The following UBE2D1 variants were observed in gnomAD, a reference collection of about 807,000 sequenced individuals.
UBE2D1 encodes ubiquitin conjugating enzyme E2 D1.
Under a neutral mutation model 24.6 loss-of-function variants are expected in UBE2D1, and 9 were observed. That is an observed-to-expected ratio of 0.37 (90% confidence interval 0.22 to 0.64). The LOEUF (loss-of-function observed/expected upper bound fraction) is 0.64, where lower values mean the gene tolerates loss of function less well. UBE2D1 is among the 30% of genes least tolerant of loss of function. The pLI, the probability that UBE2D1 is intolerant of heterozygous loss-of-function variation, is 0.64. For missense variants in UBE2D1, 87 were observed against 177.1 expected (o/e 0.49, Z 2.89); for synonymous variants, 57 against 57.6 (o/e 0.99, Z 0.04).
At chr10:58,359,172 T>C (rs1011436856) in intron 1 of UBE2D1, among the ~76,000 whole-genome samples, 1 of 152,182 alleles carries the variant, frequency 6.6e-6, no homozygotes, top group African/African-American at 2.4e-5. Context: ...ACCCTCCTTC[T>C]TGTTTGTCTC....
chr10:58,366,726 G>T (rs1269206204), intron 5 of UBE2D1, among the ~76,000 whole-genome samples: 2 of 150,998 alleles, frequency 1.3e-5, no homozygotes, highest in Non-Finnish European at 1.5e-5. Flanking sequence ...TTATAGGTGT[G>T]AGCAACCTTG....
intron 5 of UBE2D1, among the ~76,000 whole-genome samples, chr10:58,367,562 A>T (rs534118475): frequency 2.0e-5 from 3 of 152,180 alleles, no homozygotes; most frequent in Admixed American, 2.0e-4. Context: ...TGAGCACAGT[A>T]TCCAAAATGG....
intron 1 of UBE2D1, among the ~76,000 whole-genome samples, chr10:58,340,988 C>A (rs1029443957): frequency 6.6e-6 from 1 of 152,192 alleles, no homozygotes; most frequent in Non-Finnish European, 1.5e-5. Flanking sequence ...CATATTTGAT[C>A]ATTTTCACTG....
chr10:58,362,187 G>A (rs1160585807), intron 3 of UBE2D1, among the ~76,000 whole-genome samples: 2 of 152,148 alleles, frequency 1.3e-5, no homozygotes, highest in Admixed American at 1.3e-4. Flanking sequence ...AAATCTGATT[G>A]CATAAGAATG....
At position 58,364,899 on chromosome 10, in the gene UBE2D1, A is replaced by C. The variant is rs751495565; in HGVS notation, c.304+23A>C. 3 of 1,579,460 alleles carry C rather than the reference A, an allele frequency of 1.9e-6. No individual in the cohort carries two copies. In the South Asian group the frequency reaches 3.3e-5, roughly 18 times the overall value. Reference sequence around the variant, plus strand: ...AAGGTAATTTCATTGATCAGGTTTGAAACAGTTGATAACAGTGAGACAGGA... The same window carrying C: ...AAGGTAATTTCATTGATCAGGTTTGCAACAGTTGATAACAGTGAGACAGGA... On this transcript the variant is annotated intron_variant, in intron 5 of 6. Transcript: ENST00000373910.
chr10:58,335,237 G>T lies in UBE2D1; in HGVS notation c.24+12G>T. On this transcript the variant is annotated intron_variant, in intron 1 of 6. Transcript: ENST00000373910. ...AGAGGATTCAGAAAGTGAGTGCCGG[G>T]GCCGGGCCTGGGGCTGCGGGGCAGC... is the stretch of plus-strand genomic sequence containing the variant. The T allele has an allele frequency of 6.5e-7, 1 of 1,534,686 alleles. No individual in the cohort carries two copies. The highest frequency in any genetic ancestry group is 8.8e-7 in the Non-Finnish European group (1 of 1,142,826).
chr10:58,347,869 G>A (rs1043090939), intron 1 of UBE2D1, among the ~76,000 whole-genome samples: 1 of 151,922 alleles, frequency 6.6e-6, no homozygotes, highest in African/African-American at 2.4e-5. Flanking sequence ...GGCTGGTCTC[G>A]AACTCCTGAC....
At chr10:58,350,930 C>A (rs1052493640) in intron 1 of UBE2D1, among the ~76,000 whole-genome samples, 2 of 152,126 alleles carry the variant, frequency 1.3e-5, no homozygotes, top group Non-Finnish European at 2.9e-5. Context: ...CAGCATGTTA[C>A]CGTGCTGATA....
intron 1 of UBE2D1, among the ~76,000 whole-genome samples, chr10:58,353,980 T>C (rs1382891476): frequency 6.6e-6 from 1 of 152,216 alleles, no homozygotes; most frequent in Non-Finnish European, 1.5e-5. Context: ...TATGGCGGGA[T>C]CCATAAATAA....
At position 58,369,678 on chromosome 10, in the gene UBE2D1, G is replaced by A. The variant is rs1170809272; in HGVS notation, c.*913G>A. ...TTTGCATGAAAATTACATCCAAATT[G>A]TGAAAATCAGATCTATTTTGTTTGC... On this transcript the variant is annotated 3_prime_UTR_variant, in exon 7 of 7. Transcript: ENST00000373910. 2.6e-5 allele frequency: 4 copies of A among 152,064 alleles called. No individual in the cohort carries two copies. Among genetic ancestry groups the A allele is most frequent in the African/African-American group, 7.2e-5 (3 of 41,394 alleles). 9.4% of individuals were successfully genotyped at this position (152,064 alleles called of 1,614,324 possible).
At chr10:58,355,866 C>T (rs1015845801) in intron 1 of UBE2D1, among the ~76,000 whole-genome samples, 1 of 152,072 alleles carries the variant, frequency 6.6e-6, no homozygotes, top group African/African-American at 2.4e-5. Flanking sequence ...TTTTTTTTCA[C>T]TAATGCCTTC....
At chr10:58,365,185 G>C (rs947949571) in intron 5 of UBE2D1, among the ~76,000 whole-genome samples, 2 of 152,126 alleles carry the variant, frequency 1.3e-5, no homozygotes, top group African/African-American at 4.8e-5. Flanking sequence ...AAAAAAGAGA[G>C]AGTGCCCGGG....
intron 6 of UBE2D1, 86 bp downstream of exon 6, chr10:58,368,102 C>G (rs1840276556): frequency 3.2e-6 from 3 of 950,248 alleles, no homozygotes; most frequent in Non-Finnish European, 4.9e-6. Context: ...TGTTTTAAGT[C>G]AATTTGATTA....
intron 1 of UBE2D1, among the ~76,000 whole-genome samples, chr10:58,348,641 G>C (rs1378754064): frequency 2.0e-5 from 3 of 152,166 alleles, no homozygotes; most frequent in Admixed American, 1.3e-4. Context: ...TGGAGATTTA[G>C]ATCTTCTGAC....
intron 1 of UBE2D1, among the ~76,000 whole-genome samples, chr10:58,336,208 G>A (rs1476143181): frequency 6.6e-6 from 1 of 152,098 alleles, no homozygotes; most frequent in Admixed American, 6.6e-5. Context: ...ACTGACCCAA[G>A]TTTTAGGTTT....
intron 1 of UBE2D1, among the ~76,000 whole-genome samples, chr10:58,356,980 TC>T (rs1202134155): frequency 6.6e-6 from 1 of 152,094 alleles, no homozygotes; most frequent in Non-Finnish European, 1.5e-5. Flanking sequence ...GCTTATGAAA[TC>T]GTTATTGGGA....
intron 1 of UBE2D1, among the ~76,000 whole-genome samples, chr10:58,359,677 C>T (rs1488244681): frequency 6.6e-6 from 1 of 152,128 alleles, no homozygotes; most frequent in African/African-American, 2.4e-5. Context: ...CCAGTTCCGC[C>T]CTATAGTAGT....
chr10:58,335,255 G>A (rs746016836), intron 1 of UBE2D1, 30 bp downstream of exon 1: 144 of 1,514,550 alleles, frequency 9.5e-5, no homozygotes, highest in Non-Finnish European at 1.3e-4. Flanking sequence ...CTGGGGCTGC[G>A]GGGCAGCGGC....
Position 58,361,337 on chromosome 10 carries a change from G to T in UBE2D1, c.25-1G>T. Reference sequence around the variant, plus strand: ...CCTTACATATTTTTGATTTCCTTCAGGAATTGAGTGATCTACAGCGCGATC... The same window carrying T: ...CCTTACATATTTTTGATTTCCTTCATGAATTGAGTGATCTACAGCGCGATC... On this transcript the variant is annotated splice_acceptor_variant, in intron 1 of 6. Coordinates refer to ENST00000373910, the MANE Select transcript of UBE2D1 (RefSeq NM_003338.5). LOFTEE classifies it high-confidence loss of function. The T allele has an allele frequency of 6.2e-7, 1 of 1,614,166 alleles. No individual in the cohort carries two copies. The highest frequency in any genetic ancestry group is 8.5e-7 in the Non-Finnish European group (1 of 1,180,020).
Sources: gnomAD v4.1 joint callset for allele counts (sites outside exome capture counted in the v4.1 genomes callset) on GRCh38, gnomAD v4.1.1 for gene constraint, MANE v1.5 for transcripts, NCBI Gene and HGNC (gene_info 2026-07-23, HGNC 2026-07-21) for gene names.